Variants in PIAS2 observed in about 807,000 individuals in gnomAD.
The protein encoded by PIAS2 is E3 SUMO-protein ligase PIAS2.
PIAS2 carries 19 observed loss-of-function variants against 69.7 expected under a neutral mutation model. The ratio of observed to expected loss-of-function variants is 0.27; its 90% CI spans 0.19 to 0.40. The LOEUF is 0.40. PIAS2 is among the 10% of genes least tolerant of loss of function. The pLI is 1.00. For synonymous variants in PIAS2, 261 were observed against 263.2 expected (o/e 0.99, Z 0.08); for missense variants, 624 against 757.0 (o/e 0.82, Z 2.06).
intron 5 of PIAS2, among the ~76,000 whole-genome samples, chr18:46,849,602 C>CA (rs2046668221): frequency 6.6e-6 from 1 of 152,196 alleles, no homozygotes; most frequent in South Asian, 2.1e-4. Context: ...GCTCTGATGA[C>CA]ACCCTACCCT....
At chr18:46,891,731 G>A (rs2054109565) in intron 1 of PIAS2, 1 of 585,058 alleles carries the variant, frequency 1.7e-6, no homozygotes, top group Admixed American at 6.3e-5. Context: ...GCAAGGAAAT[G>A]AGCAGTCATC....
chr18:46,897,224 G>A (rs1333229578), intron 1 of PIAS2, among the ~76,000 whole-genome samples: 1 of 152,258 alleles, frequency 6.6e-6, no homozygotes. Context: ...TAAAAAAGCG[G>A]TTATGGCATA....
At chr18:46,813,585 C>A (rs2041200424) in intron 13 of PIAS2, among the ~76,000 whole-genome samples, 1 of 151,988 alleles carries the variant, frequency 6.6e-6, no homozygotes. Context: ...ATTCATATTC[C>A]CCATTCTAAA....
intron 1 of PIAS2, among the ~76,000 whole-genome samples, chr18:46,894,810 C>G (rs530094201): frequency 4.6e-5 from 7 of 152,238 alleles, no homozygotes; most frequent in Non-Finnish European, 1.0e-4. Context: ...GTGGCTCATA[C>G]CTGTAATCCC....
intron 3 of PIAS2, among the ~76,000 whole-genome samples, chr18:46,862,308 C>T (rs1309556407): frequency 6.6e-6 from 1 of 151,952 alleles, no homozygotes; most frequent in Non-Finnish European, 1.5e-5. Context: ...TCACTCCAGC[C>T]TGGATGACAG....
chr18:46,891,520 C>T (rs1456316645), intron 1 of PIAS2: 3 of 181,794 alleles, frequency 1.7e-5, no homozygotes, highest in South Asian at 1.9e-4. Flanking sequence ...AGTAGTAAAT[C>T]CATAAAAATC....
intron 5 of PIAS2, among the ~76,000 whole-genome samples, chr18:46,854,733 C>T (rs940565123): frequency 1.3e-5 from 2 of 152,112 alleles, no homozygotes; most frequent in Non-Finnish European, 2.9e-5. Flanking sequence ...TATTATTGCA[C>T]CCACCCACCA....
At chr18:46,916,273 T>C (rs545433235) in intron 1 of PIAS2, among the ~76,000 whole-genome samples, 1 of 152,126 alleles carries the variant, frequency 6.6e-6, no homozygotes, top group South Asian at 2.1e-4. Flanking sequence ...ACAATAAATA[T>C]ACAAAACTGA....
chr18:46,888,683 G>C (rs559364620), intron 2 of PIAS2, among the ~76,000 whole-genome samples: 1 of 152,116 alleles, frequency 6.6e-6, no homozygotes, highest in African/African-American at 2.4e-5. Flanking sequence ...TTAGATTCTC[G>C]TAAGGAGCAT....
At chr18:46,817,360 G>C (rs1235384497) in intron 12 of PIAS2, 1 of 968,304 alleles carries the variant, frequency 1.0e-6, no homozygotes, top group Non-Finnish European at 1.2e-6. Context: ...AAATACGCAA[G>C]CTTGATATAA....
At chr18:46,860,373 C>CT (rs895599525) in intron 3 of PIAS2, among the ~76,000 whole-genome samples, 9 of 152,150 alleles carry the variant, frequency 5.9e-5, no homozygotes, top group Non-Finnish European at 1.0e-4. Context: ...AAATAGATCA[C>CT]TTTTTTTGGA....
intron 3 of PIAS2, among the ~76,000 whole-genome samples, chr18:46,860,956 C>A (rs1487290053): frequency 6.6e-6 from 1 of 151,962 alleles, no homozygotes; most frequent in Non-Finnish European, 1.5e-5. Flanking sequence ...CCAGCCTGGG[C>A]AACAGAGCAA....
At chr18:46,832,815 CT>C (rs1181089510) in intron 9 of PIAS2, among the ~76,000 whole-genome samples, 3 of 148,184 alleles carry the variant, frequency 2.0e-5, no homozygotes, top group Admixed American at 6.8e-5. Flanking sequence ...TCACTTGAAC[CT>C]GGGGGGTGGG....
intron 1 of PIAS2, among the ~76,000 whole-genome samples, chr18:46,912,978 C>T (rs974341921): frequency 1.3e-5 from 2 of 152,182 alleles, no homozygotes; most frequent in Non-Finnish European, 2.9e-5. Context: ...AGCCACTGCG[C>T]CCAGCCTATT....
At chr18:46,872,599 G>A (rs572807046) in intron 2 of PIAS2, among the ~76,000 whole-genome samples, 1 of 152,286 alleles carries the variant, frequency 6.6e-6, no homozygotes, top group African/African-American at 2.4e-5. Context: ...AAGAGAAGGG[G>A]TTACGAGTTT....
chr18:46,914,564 C>G (rs9948405), intron 1 of PIAS2, among the ~76,000 whole-genome samples: 65,057 of 143,676 alleles, frequency 0.45, 14,675 homozygotes, highest in Middle Eastern at 0.52. Flanking sequence ...ACCCTCCCCC[C>G]CCCAACTCCA....
chr18:46,862,321 C>T (rs897475962), intron 3 of PIAS2, among the ~76,000 whole-genome samples: 3 of 151,904 alleles, frequency 2.0e-5, no homozygotes, highest in Admixed American at 2.0e-4. Context: ...GATGACAGAG[C>T]GAGACTCTGT....
chr18:46,903,234 A>G (rs1196976573), intron 1 of PIAS2, among the ~76,000 whole-genome samples: 3 of 150,514 alleles, frequency 2.0e-5, no homozygotes, highest in African/African-American at 7.3e-5. Flanking sequence ...AACCTGTGCT[A>G]CGCAAAAGAC....
At chr18:46,870,461 A>G (rs538641299) in intron 2 of PIAS2, among the ~76,000 whole-genome samples, 5 of 151,940 alleles carry the variant, frequency 3.3e-5, no homozygotes, top group Admixed American at 6.6e-5. Context: ...TAAAAATACA[A>G]AAAAATTAGC....
Sources: gnomAD v4.1 joint callset for allele counts (sites outside exome capture counted in the v4.1 genomes callset) on GRCh38, gnomAD v4.1.1 for gene constraint, MANE v1.5 for transcripts, NCBI Gene and HGNC (gene_info 2026-07-23, HGNC 2026-07-21) for gene names.